The following MCU variants were observed in gnomAD, a reference collection of about 807,000 sequenced individuals.
The protein encoded by MCU is calcium uniporter protein, mitochondrial.
MCU carries 12 observed loss-of-function variants against 45.2 expected under a neutral mutation model. That is an observed-to-expected ratio of 0.27 (90% confidence interval 0.17 to 0.43). MCU has a LOEUF of 0.43. MCU is among the 20% of genes least tolerant of loss of function. The pLI is 1.00. For missense variants in MCU, 324 were observed against 436.7 expected (o/e 0.74, Z 2.30); for synonymous variants, 160 against 165.1 (o/e 0.97, Z 0.24).
chr10:72,848,681 G>A (rs1050407436), intron 2 of MCU, among the ~76,000 whole-genome samples: 2 of 152,098 alleles, frequency 1.3e-5, no homozygotes, highest in Non-Finnish European at 2.9e-5. Context: ...CTTCTTGAAG[G>A]CTGGCTATCA....
chr10:72,724,082 A>G (rs1050855251), intron 1 of MCU, among the ~76,000 whole-genome samples: 2 of 152,232 alleles, frequency 1.3e-5, no homozygotes, highest in African/African-American at 4.8e-5. Context: ...ATGTAGATAT[A>G]CTATATTTTT....
At chr10:72,696,529 ATTG>A (rs1842690102) in intron 1 of MCU, among the ~76,000 whole-genome samples, 1 of 152,096 alleles carries the variant, frequency 6.6e-6, no homozygotes, top group Admixed American at 6.5e-5. Flanking sequence ...ACCCTTTTCT[ATTG>A]TTGTCTTCTG....
chr10:72,834,510 T>G, intron 2 of MCU, 82 bp downstream of exon 2: 2 of 1,187,114 alleles, frequency 1.7e-6, no homozygotes, highest in Non-Finnish European at 2.5e-6. Context: ...ACACAAAAAT[T>G]TATAAACCAT....
rs1272634262 is a variant in MCU at position 72,706,598 on chromosome 10, C to T, written c.150+14297C>T. On this transcript the variant is annotated intron_variant, in intron 1 of 7. Transcript: ENST00000373053. ...CTGTCGCCAGGCTGGAGTGCAGTGGCGTGATCTCGGCTTACTGCAACCTCC... is the reference window on the plus strand; with the variant it reads ...CTGTCGCCAGGCTGGAGTGCAGTGGTGTGATCTCGGCTTACTGCAACCTCC... Among the ~76,000 whole-genome samples, 7 of 150,132 alleles carry T rather than the reference C, an allele frequency of 4.7e-5. No homozygotes were observed. In the South Asian group the frequency reaches 6.3e-4, roughly 13 times the overall value.
At chr10:72,754,216 A>G (rs965535778) in intron 1 of MCU, among the ~76,000 whole-genome samples, 1 of 152,162 alleles carries the variant, frequency 6.6e-6, no homozygotes, top group African/African-American at 2.4e-5. Flanking sequence ...TGAGCTGAAC[A>G]TGGGCAGAAT....
intron 1 of MCU, among the ~76,000 whole-genome samples, chr10:72,806,388 G>A (rs917822691): frequency 2.6e-5 from 4 of 152,012 alleles, no homozygotes; most frequent in Non-Finnish European, 2.9e-5. Context: ...TTGAAGTCCC[G>A]ACCTCAGCTG....
At chr10:72,862,913 A>G (rs1845400731) in intron 4 of MCU, among the ~76,000 whole-genome samples, 1 of 151,890 alleles carries the variant, frequency 6.6e-6, no homozygotes, top group South Asian at 2.1e-4. Flanking sequence ...CTTTTTAAAA[A>G]AAAAGAAAAA....
chr10:72,710,222 C>T (rs1393595701), intron 1 of MCU, among the ~76,000 whole-genome samples: 3 of 152,092 alleles, frequency 2.0e-5, no homozygotes, highest in Admixed American at 2.0e-4. Flanking sequence ...GTGATCTGCC[C>T]CCCTCAGCCT....
chr10:72,805,165 C>CTTTCTTTTTCTG (rs1468524303), intron 1 of MCU, among the ~76,000 whole-genome samples: 5 of 55,114 alleles, frequency 9.1e-5, no homozygotes, highest in Non-Finnish European at 1.6e-4. Flanking sequence ...CTTTCTGTCT[C>CTTTCTTTTTCTG]TCTCTCTCTC....
chr10:72,836,302 A>T (rs1190407660), intron 2 of MCU, among the ~76,000 whole-genome samples: 3 of 152,160 alleles, frequency 2.0e-5, no homozygotes, highest in African/African-American at 7.2e-5. Flanking sequence ...ATGTTATACT[A>T]CAGCTGGAAG....
chr10:72,730,762 A>G (rs1033354164), intron 1 of MCU: 3 of 152,306 alleles, frequency 2.0e-5, no homozygotes, highest in South Asian at 4.1e-4. Flanking sequence ...TATCATTTGG[A>G]TTTTTCTAAT....
chr10:72,852,656 T>A (rs1043537894), intron 2 of MCU, among the ~76,000 whole-genome samples: 1 of 152,190 alleles, frequency 6.6e-6, no homozygotes, highest in African/African-American at 2.4e-5. Context: ...AAACAGAGCT[T>A]GGCCATCTAG....
rs995677860 is a variant in MCU at position 72,760,701 on chromosome 10, A to ATTT, written c.150+68408_150+68410dup. On this transcript the variant is annotated intron_variant, in intron 1 of 7. Transcript: ENST00000373053. Reference sequence around the variant, plus strand: ...TGTGCCGCCATGTCTGGTTACTTAAATTTTTTTTTTCTTTCTTTTTTTTTT... The same window carrying ATTT: ...TGTGCCGCCATGTCTGGTTACTTAAATTTTTTTTTTTTTCTTTCTTTTTTTTTT... 2.9e-4 allele frequency: 36 copies of ATTT among 123,734 alleles called. 1 individual carries two copies. The highest frequency in any genetic ancestry group is 1.1e-3 in the African/African-American group (33 of 28,970). 7.7% of individuals were successfully genotyped at this position (123,734 alleles called of 1,614,324 possible).
chr10:72,866,152 G>C (rs1845453107), intron 4 of MCU, among the ~76,000 whole-genome samples: 1 of 151,958 alleles, frequency 6.6e-6, no homozygotes, highest in East Asian at 1.9e-4. Flanking sequence ...CTCAAATTTT[G>C]TTTCTACCTT....
At chr10:72,852,216 G>C (rs899932447) in intron 2 of MCU, among the ~76,000 whole-genome samples, 3 of 152,190 alleles carry the variant, frequency 2.0e-5, no homozygotes, top group African/African-American at 7.2e-5. Context: ...GGAAACAGTA[G>C]ATTAATTGTT....
At chr10:72,692,976 T>G (rs1842643304) in intron 1 of MCU, 4 of 1,535,924 alleles carry the variant, frequency 2.6e-6, no homozygotes, top group Non-Finnish European at 3.5e-6. Context: ...AAAGGTGCTT[T>G]TGGGGGTCCT....
intron 1 of MCU, among the ~76,000 whole-genome samples, chr10:72,747,428 G>C (rs546318149): frequency 6.6e-6 from 1 of 152,242 alleles, no homozygotes; most frequent in South Asian, 2.1e-4. Flanking sequence ...GTTATGATGA[G>C]GTAATAAGGA....
At chr10:72,794,909 G>T (rs1195517585) in intron 1 of MCU, among the ~76,000 whole-genome samples, 2 of 152,044 alleles carry the variant, frequency 1.3e-5, no homozygotes, top group Non-Finnish European at 2.9e-5. Flanking sequence ...GTTCATTCTG[G>T]ATTTTATATT....
At chr10:72,856,692 T>TGG (rs1845294853) in intron 2 of MCU, among the ~76,000 whole-genome samples, 1 of 150,790 alleles carries the variant, frequency 6.6e-6, no homozygotes, top group Non-Finnish European at 1.5e-5. Context: ...CCCAGCACTT[T>TGG]GGGTGGCCAA....
Sources: allele counts gnomAD v4.1 joint callset (sites outside exome capture counted in the v4.1 genomes callset), GRCh38; gene constraint gnomAD v4.1.1; transcripts MANE v1.5; gene names NCBI Gene and HGNC (gene_info 2026-07-23, HGNC 2026-07-21).